The following SDK1 variants were observed in gnomAD, a reference collection of about 807,000 sequenced individuals.
SDK1 encodes sidekick cell adhesion molecule 1.
SDK1 carries 157 observed loss-of-function variants against 245.5 expected under a neutral mutation model. The observed-to-expected ratio is 0.64, with a 90% CI of 0.56 to 0.73. The LOEUF is 0.73. Among genes scored for constraint, SDK1 ranks in the 30% least tolerant of loss-of-function variants. SDK1 has a pLI of 0.00. For missense variants in SDK1, 3,583 were observed against 3,002.3 expected, an observed-to-expected ratio of 1.19 and a Z score of -4.52; for synonymous variants, 1,647 against 1,278.5, an observed-to-expected ratio of 1.29 and a Z score of -6.15.
intron 1 of SDK1, among the ~76,000 whole-genome samples, chr7:3,306,058 A>G (rs533630231): frequency 9.3e-4 from 142 of 152,284 alleles, no homozygotes; most frequent in African/African-American, 3.2e-3. Context: ...AGCGTTTCCC[A>G]TGTAGCCTCT....
At chr7:4,246,657 T>C (rs551409555) in intron 44 of SDK1, among the ~76,000 whole-genome samples, 1 of 152,216 alleles carries the variant, frequency 6.6e-6, no homozygotes, top group South Asian at 2.1e-4. Flanking sequence ...AGGGATTTGC[T>C]CACAGCAGTT....
At chr7:4,067,573 G>C (rs1779984859) in intron 19 of SDK1, among the ~76,000 whole-genome samples, 1 of 152,222 alleles carries the variant, frequency 6.6e-6, no homozygotes, top group Non-Finnish European at 1.5e-5. Flanking sequence ...GAGAAAGACA[G>C]AGAATGGTTT....
intron 13 of SDK1, among the ~76,000 whole-genome samples, chr7:3,986,168 G>T (rs1488685039): frequency 1.3e-5 from 2 of 151,752 alleles, no homozygotes; most frequent in Admixed American, 1.3e-4. Flanking sequence ...GGGTTTTGCA[G>T]CTTTGTCACT....
Position 3,936,357 on chromosome 7 carries a change from G to A in SDK1, c.848-14566G>A, listed in dbSNP as rs576459380. On this transcript the variant is annotated intron_variant, in intron 5 of 44. Transcript: ENST00000404826. ...AGCACTTTGGGAGGCCGAGGCAGGC[G>A]GATCACAAGGTCAGGAGATCGAGAA... 2.7e-4 allele frequency among the ~76,000 whole-genome samples: 41 copies of A among 152,128 alleles called. No homozygotes were observed. The South Asian group carries it at 4.2e-3, about 15-fold the overall frequency.
chr7:4,243,855 G>A (rs1405450564), intron 43 of SDK1, among the ~76,000 whole-genome samples: 1 of 152,200 alleles, frequency 6.6e-6, no homozygotes, highest in African/African-American at 2.4e-5. Flanking sequence ...GATTGGTCCT[G>A]TAGCATCATC....
At chr7:3,656,450 C>T (rs1783187486) in intron 4 of SDK1, among the ~76,000 whole-genome samples, 1 of 152,200 alleles carries the variant, frequency 6.6e-6, no homozygotes, top group Admixed American at 6.5e-5. Flanking sequence ...TTCTGGAAGT[C>T]ACTCCCGAAG....
chr7:4,039,007 C>G (rs764046802), intron 17 of SDK1, among the ~76,000 whole-genome samples: 1 of 152,106 alleles, frequency 6.6e-6, no homozygotes, highest in Non-Finnish European at 1.5e-5. Flanking sequence ...TTTTACCACT[C>G]TACTTGGTAC....
At chr7:3,844,174 T>C (rs1192916129) in intron 5 of SDK1, among the ~76,000 whole-genome samples, 1 of 152,182 alleles carries the variant, frequency 6.6e-6, no homozygotes, top group East Asian at 1.9e-4. Context: ...TTTCACCACG[T>C]TGGCCAGACT....
chr7:3,493,224 T>C (rs763999536), intron 1 of SDK1, among the ~76,000 whole-genome samples: 6 of 152,056 alleles, frequency 3.9e-5, no homozygotes, highest in Non-Finnish European at 7.3e-5. Context: ...GTACTGAGAT[T>C]ACAGGCGTCA....
intron 4 of SDK1, among the ~76,000 whole-genome samples, chr7:3,713,039 A>G (rs564165023): frequency 1.3e-5 from 2 of 152,236 alleles, no homozygotes; most frequent in African/African-American, 2.4e-5. Context: ...AGGCGTGCCC[A>G]TGTGGCTGGG....
intron 4 of SDK1, among the ~76,000 whole-genome samples, chr7:3,667,558 T>C (rs888464598): frequency 3.9e-5 from 6 of 152,206 alleles, no homozygotes; most frequent in Non-Finnish European, 8.8e-5. Flanking sequence ...AAATATAAAA[T>C]AGTTCTATCA....
chr7:3,957,168 G>A (rs549420352), intron 7 of SDK1, among the ~76,000 whole-genome samples: 27 of 152,278 alleles, frequency 1.8e-4, no homozygotes, highest in African/African-American at 6.3e-4. Flanking sequence ...GTTGTGAGGG[G>A]TGGGGGTTTG....
intron 4 of SDK1, among the ~76,000 whole-genome samples, chr7:3,801,787 C>G (rs866324138): frequency 2.5e-4 from 38 of 152,158 alleles, no homozygotes; most frequent in South Asian, 1.4e-3. Context: ...GGCCTTTGCA[C>G]TTGGAGCTCT....
At chr7:3,706,212 G>C (rs1784884824) in intron 4 of SDK1, among the ~76,000 whole-genome samples, 1 of 152,040 alleles carries the variant, frequency 6.6e-6, no homozygotes, top group Non-Finnish European at 1.5e-5. Context: ...CAAGGATATT[G>C]GTCTGTAGTT....
chr7:3,977,668 G>A (rs986691691), intron 13 of SDK1, among the ~76,000 whole-genome samples: 1 of 152,234 alleles, frequency 6.6e-6, no homozygotes, highest in African/African-American at 2.4e-5. Flanking sequence ...GCTGCCTGCA[G>A]TTCTTCCCTG....
intron 4 of SDK1, among the ~76,000 whole-genome samples, chr7:3,701,112 G>A (rs969339940): frequency 6.6e-6 from 1 of 152,160 alleles, no homozygotes. Context: ...AATAAGTTCA[G>A]TAAGATCAAC....
At chr7:3,719,243 G>T (rs1007079354) in intron 4 of SDK1, among the ~76,000 whole-genome samples, 2 of 143,532 alleles carry the variant, frequency 1.4e-5, no homozygotes, top group Admixed American at 1.4e-4. Flanking sequence ...AACCCAGAAA[G>T]GTTTTTTTTT....
intron 2 of SDK1, among the ~76,000 whole-genome samples, chr7:3,630,011 G>C (rs564719858): frequency 6.6e-6 from 1 of 152,262 alleles, no homozygotes; most frequent in East Asian, 1.9e-4. Flanking sequence ...CATTGGATGG[G>C]ACCATCAGGA....
At chr7:3,523,228 C>T (rs1238978141) in intron 1 of SDK1, among the ~76,000 whole-genome samples, 1 of 152,182 alleles carries the variant, frequency 6.6e-6, no homozygotes, top group Non-Finnish European at 1.5e-5. Context: ...ACTGCAGAAG[C>T]ATTTGCAAAT....
Sources: allele counts gnomAD v4.1 joint callset (sites outside exome capture counted in the v4.1 genomes callset), GRCh38; gene constraint gnomAD v4.1.1; transcripts MANE v1.5; gene names NCBI Gene and HGNC (gene_info 2026-07-23, HGNC 2026-07-21).